Variants in WWC1 observed in about 807,000 individuals in gnomAD.
WWC1 encodes WW and C2 domain containing 1.
Under a neutral mutation model 138.4 loss-of-function variants are expected in WWC1, and 55 were observed. The ratio of observed to expected loss-of-function variants is 0.40; its 90% CI spans 0.32 to 0.50. The LOEUF (loss-of-function observed/expected upper bound fraction) is 0.50. Among genes scored for constraint, WWC1 ranks in the 20% least tolerant of loss-of-function variants. WWC1 has a pLI of 0.72. For synonymous variants in WWC1, 524 were observed against 564.9 expected (o/e 0.93, Z 1.03); for missense variants, 1,226 against 1,420.4 (o/e 0.86, Z 2.20).
chr5:168,453,101 T>C (rs970279422), intron 17 of WWC1, among the ~76,000 whole-genome samples: 1 of 152,176 alleles, frequency 6.6e-6, no homozygotes, highest in Non-Finnish European at 1.5e-5. Flanking sequence ...GGCACACACC[T>C]GTAGTCCCAA....
At chr5:168,323,106 T>C (rs1219595479) in intron 1 of WWC1, among the ~76,000 whole-genome samples, 1 of 152,178 alleles carries the variant, frequency 6.6e-6, no homozygotes, top group Non-Finnish European at 1.5e-5. Flanking sequence ...AGATTTAAAA[T>C]AAGTCAGTAG....
At chr5:168,412,851 G>T (rs940549028) in intron 8 of WWC1, among the ~76,000 whole-genome samples, 2 of 152,168 alleles carry the variant, frequency 1.3e-5, no homozygotes, top group Non-Finnish European at 2.9e-5. Context: ...GTATGCATAG[G>T]TTATATGTAA....
At position 168,292,036 on chromosome 5, in the gene WWC1, C is replaced by A; in HGVS notation, c.-117C>A. On this transcript the variant is annotated 5_prime_UTR_variant, in exon 1 of 23. Coordinates refer to ENST00000265293, the MANE Select transcript of WWC1 (RefSeq NM_015238.3). This position sits in a 1 kb window ranked among gnomAD's most constrained non-coding sequence, Gnocchi z 4.4. ...ACTAGGGCCCCCCATCTGCGGGCGC[C>A]ACCCCCCGGATCATGGTGCCTCGGC... 1 of 1,287,238 alleles carries A rather than the reference C, an allele frequency of 7.8e-7. No individual in the cohort carries two copies. The highest frequency in any genetic ancestry group is 1.6e-5 in the African/African-American group (1 of 63,382). 79.7% of individuals were successfully genotyped at this position (1,287,238 alleles called of 1,614,324 possible).
chr5:168,464,648 A>G, intron 20 of WWC1, 81 bp from the exon 21 acceptor site: 1 of 1,568,926 alleles, frequency 6.4e-7, no homozygotes, highest in South Asian at 1.2e-5. Context: ...AAGAGAGGGT[A>G]TTTGAGGGTC....
At chr5:168,357,126 T>C (rs573876662) in intron 1 of WWC1, among the ~76,000 whole-genome samples, 1 of 152,238 alleles carries the variant, frequency 6.6e-6, no homozygotes, top group South Asian at 2.1e-4. Flanking sequence ...ATTTGGAAAG[T>C]AGAGGGCCTA....
At chr5:168,299,769 G>A (rs751501921) in intron 1 of WWC1, among the ~76,000 whole-genome samples, 6 of 152,130 alleles carry the variant, frequency 3.9e-5, no homozygotes, top group African/African-American at 1.4e-4. Flanking sequence ...AGTGTGAGTC[G>A]AAGGTGGCCA....
intron 15 of WWC1, among the ~76,000 whole-genome samples, chr5:168,437,152 T>A (rs554043993): frequency 1.3e-5 from 2 of 152,266 alleles, no homozygotes; most frequent in South Asian, 4.1e-4. Context: ...TCCTCCCAGG[T>A]GCTCCCTCAC....
Position 168,341,545 on chromosome 5 carries a change from C to T in WWC1, c.120-29879C>T, listed in dbSNP as rs545419452. Among the ~76,000 whole-genome samples, 103 of 152,246 alleles carry T rather than the reference C, an allele frequency of 6.8e-4. 2 individuals are homozygous for T. The South Asian group carries it at 0.02, about 29-fold the overall frequency. ...TCCCAGTCTGAGAGACCCAAATTCC[C>T]ATCCCTGCCTCTCATTTTCAACATC... On this transcript the variant is annotated intron_variant, in intron 1 of 22. Coordinates refer to ENST00000265293, the MANE Select transcript of WWC1 (RefSeq NM_015238.3).
Position 168,320,167 on chromosome 5 carries a change from T to C in WWC1, c.119+27896T>C, listed in dbSNP as rs569909128. ...TTCCTGCCTCAGCCTCCCAAGTAGC[T>C]GGGATTACAGGCGCCCGCCACCATG... On this transcript the variant is annotated intron_variant, in intron 1 of 22. Coordinates refer to ENST00000265293, the MANE Select transcript of WWC1 (RefSeq NM_015238.3). Among the ~76,000 whole-genome samples, 3 of 152,208 alleles carry C rather than the reference T, an allele frequency of 2.0e-5. No homozygotes were observed. In the East Asian group the frequency reaches 5.8e-4, roughly 29 times the overall value.
chr5:168,427,519 T>G (rs1242224985), intron 11 of WWC1, among the ~76,000 whole-genome samples: 1 of 150,360 alleles, frequency 6.7e-6, no homozygotes, highest in Non-Finnish European at 1.5e-5. Context: ...TGTGACTCCT[T>G]CCATCACCCT....
intron 1 of WWC1, among the ~76,000 whole-genome samples, chr5:168,334,026 G>C (rs1486656843): frequency 7.0e-6 from 1 of 143,556 alleles, no homozygotes; most frequent in East Asian, 2.0e-4. Context: ...GACCAGCCTG[G>C]GCAGCTTAGC....
chr5:168,450,397 G>A (rs1383451607), intron 17 of WWC1, among the ~76,000 whole-genome samples: 1 of 152,166 alleles, frequency 6.6e-6, no homozygotes, highest in African/African-American at 2.4e-5. Flanking sequence ...GCTGGGCACG[G>A]TGACTCACGC....
intron 20 of WWC1, among the ~76,000 whole-genome samples, chr5:168,462,242 G>GAGT (rs60823427): frequency 6.6e-6 from 1 of 151,778 alleles, no homozygotes; most frequent in Admixed American, 6.6e-5. Context: ...GAACTGGAGA[G>GAGT]AGGAGAGAGA....
intron 20 of WWC1, among the ~76,000 whole-genome samples, chr5:168,461,521 G>A (rs1219257674): frequency 6.6e-6 from 1 of 152,200 alleles, no homozygotes; most frequent in Non-Finnish European, 1.5e-5. Flanking sequence ...AGACCAGCGG[G>A]AAGCCCACAG....
intron 15 of WWC1, among the ~76,000 whole-genome samples, chr5:168,433,273 G>A (rs983184647): frequency 1.2e-4 from 19 of 152,220 alleles, no homozygotes; most frequent in Non-Finnish European, 2.6e-4. Flanking sequence ...CAGCAAGTCT[G>A]GAGCAGAACC....
At chr5:168,361,495 T>C (rs900708647) in intron 1 of WWC1, among the ~76,000 whole-genome samples, 6 of 152,184 alleles carry the variant, frequency 3.9e-5, no homozygotes, top group African/African-American at 1.2e-4. Context: ...TTCGGTATAA[T>C]AGGGTTAGTT....
At chr5:168,422,158 G>C in intron 10 of WWC1, 61 bp downstream of exon 10, 1 of 1,531,558 alleles carries the variant, frequency 6.5e-7, no homozygotes, top group Non-Finnish European at 9.0e-7. Context: ...GGTGTCCCCA[G>C]TGTCCCAGCC....
intron 1 of WWC1, among the ~76,000 whole-genome samples, chr5:168,300,437 C>T (rs1366465137): frequency 7.9e-6 from 1 of 126,920 alleles, no homozygotes; most frequent in East Asian, 2.8e-4. Flanking sequence ...TGCCCATTCT[C>T]CCCACCCCCC....
intron 2 of WWC1, among the ~76,000 whole-genome samples, chr5:168,374,003 G>A (rs556537976): frequency 1.1e-4 from 15 of 141,510 alleles, no homozygotes; most frequent in Admixed American, 7.5e-4. Flanking sequence ...CCGAGATCCC[G>A]CCACTGCACT....
Sources: allele counts gnomAD v4.1 joint callset (sites outside exome capture counted in the v4.1 genomes callset), GRCh38; gene constraint gnomAD v4.1.1; non-coding constraint Gnocchi (gnomAD v3.1); transcripts MANE v1.5; gene names NCBI Gene and HGNC (gene_info 2026-07-23, HGNC 2026-07-21).